The following WRAP53 variants were observed in gnomAD, a reference collection of about 807,000 sequenced individuals.
WRAP53 encodes telomerase Cajal body protein 1.
WRAP53 carries 28 observed loss-of-function variants against 56.6 expected under a neutral mutation model. The observed-to-expected ratio is 0.50, with a 90% CI of 0.37 to 0.68. The LOEUF is 0.68. WRAP53 is among the 30% of genes least tolerant of loss of function. The probability of loss-of-function intolerance (pLI) is 0.00; values close to 1 mark genes in which losing one functional copy is unlikely to be tolerated. For missense variants in WRAP53, 671 were observed against 715.5 expected (o/e 0.94, Z 0.71); for synonymous variants, 283 against 283.4 (o/e 1.00, Z 0.01).
chr17:7,695,306 G>C (rs1216560111), intron 4 of WRAP53, among the ~76,000 whole-genome samples: 3 of 151,970 alleles, frequency 2.0e-5, no homozygotes, highest in Non-Finnish European at 4.4e-5. Flanking sequence ...GGTGTATTTG[G>C]GTATTTCCAT....
rs1198131158 is a variant in WRAP53, at chr17:7,688,530, C to T, written c.-33C>T. On this transcript the variant is annotated 5_prime_UTR_variant, in exon 1 of 11. Transcript: ENST00000396463. The stretch of plus-strand genomic sequence containing the variant: ...GTTCGCCTCTCCTCCCGGGAGTCTT[C>T]TGCCTACTCCCAGAAGAGGAGGGAA... 44 of 1,113,580 alleles carry T rather than the reference C, an allele frequency of 4.0e-5. No homozygotes were observed. The highest frequency in any genetic ancestry group is 5.5e-5 in the Non-Finnish European group (43 of 777,988). The allele number at this position is 1,113,580 out of a possible 1,614,324, so 69.0% of individuals were successfully genotyped here. A position where few individuals can be genotyped will look rare whatever the true frequency, so the allele number is the denominator to read the frequency against.
At chr17:7,699,510 ATATATATATATT>A (rs1317634940) in intron 4 of WRAP53, among the ~76,000 whole-genome samples, 941 of 26,184 alleles carry the variant, frequency 0.036, 100 homozygotes, top group Non-Finnish European at 0.044. Context: ...ATTTATATAT[ATATATATATATT>A]TATATATATA....
intron 4 of WRAP53, among the ~76,000 whole-genome samples, chr17:7,690,366 G>T (rs1024885597): frequency 1.3e-5 from 2 of 152,200 alleles, no homozygotes; most frequent in African/African-American, 4.8e-5. Flanking sequence ...CAACAAACAT[G>T]TAAACCAGCA....
At chr17:7,699,440 T>A (rs1010511828) in intron 4 of WRAP53, among the ~76,000 whole-genome samples, 326 of 72,576 alleles carry the variant, frequency 4.5e-3, no homozygotes, top group Non-Finnish European at 6.7e-3. Flanking sequence ...AAAAAAAAAT[T>A]TATATATATA....
At position 7,703,423 on chromosome 17, in the gene WRAP53, T is replaced by G. The variant is rs1208469062; in HGVS notation, c.1584T>G (p.Pro528=). Residue 528 remains proline, a synonymous_variant, in exon 11 of 11, where the codon CCT becomes CCG. Coordinates refer to ENST00000396463, the MANE Select transcript of WRAP53 (RefSeq NM_001143992.2). ...WCGGAPDSSI[P]DDHQGEKGQG... The stretch of plus-strand genomic sequence containing the variant: ...GGGGGGCGCCAGACTCCAGCATCCC[T>G]GATGATCACCAGGGCGAGAAAGGGC... 1.2e-6 allele frequency: 2 copies of G among 1,611,536 alleles called. No homozygotes were observed. The highest frequency in any genetic ancestry group is 2.7e-5 in the African/African-American group (2 of 74,398).
At chr17:7,692,845 G>A (rs947941962) in intron 4 of WRAP53, among the ~76,000 whole-genome samples, 9 of 141,014 alleles carry the variant, frequency 6.4e-5, no homozygotes, top group Middle Eastern at 4.1e-3. Flanking sequence ...TCTGCCTCCC[G>A]GGATCACGCC....
upstream of WRAP53, chr17:7,688,445 G>T: frequency 1.7e-6 from 1 of 605,250 alleles, no homozygotes; most frequent in Non-Finnish European, 2.9e-6. Context: ...GACAGCAAGA[G>T]GCCCGTAGCG....
chr17:7,692,512 T>A (rs1184073361), intron 4 of WRAP53, among the ~76,000 whole-genome samples: 1 of 149,560 alleles, frequency 6.7e-6, no homozygotes, highest in East Asian at 2.1e-4. Context: ...TCCCAGCTAC[T>A]CTGGAGTCTG....
rs367678596 is a variant in WRAP53, at chr17:7,702,996, C to G, written c.1272C>G (p.Thr424=). The G allele has an allele frequency of 1.2e-6, 2 of 1,613,712 alleles. No individual in the cohort carries two copies. Among genetic ancestry groups the G allele is most frequent in the Admixed American group, 3.3e-5 (2 of 59,998 alleles). Residue 424 remains threonine, a synonymous_variant, in exon 10 of 11, where the codon ACC becomes ACG. Coordinates refer to ENST00000396463, the MANE Select transcript of WRAP53 (RefSeq NM_001143992.2). The surrounding 1 kb of genome is among the most constrained non-coding windows in gnomAD (Gnocchi z 5.0). ...AAATCTCTCCTCTCTCTCGCAGGAC[C>G]GGGCAGTTCCTAGTGAGTGGCAGCA... is the stretch of plus-strand genomic sequence containing the variant. ...NQRIYFDLDP[T]GQFLVSGSTS...
At position 7,696,501 on chromosome 17, in the gene WRAP53, C is replaced by T. The variant is rs554392592; in HGVS notation, c.643-4240C>T. 1.3e-3 allele frequency among the ~76,000 whole-genome samples: 205 copies of T among 151,988 alleles called. 1 individual carries two copies. Among genetic ancestry groups the T allele is most frequent in the African/African-American group, 3.6e-3 (148 of 41,460 alleles). On this transcript the variant is annotated intron_variant, in intron 4 of 10. Transcript: ENST00000396463. ...TTTTAGTAGACACGGGGTTTCACCA[C>T]GTTAGCCAGGATGGTCTCGATCTCC...
intron 10 of WRAP53, 34 bp downstream of exon 10, chr17:7,703,161 G>A: frequency 1.2e-6 from 2 of 1,613,794 alleles, no homozygotes; most frequent in Non-Finnish European, 1.7e-6. Context: ...GTTGGGGCTT[G>A]GGTTGGGGAG....
chr17:7,695,849 T>C (rs57043902), intron 4 of WRAP53, among the ~76,000 whole-genome samples: 4,120 of 152,260 alleles, frequency 0.027, 184 homozygotes, highest in African/African-American at 0.094. Flanking sequence ...TCCCACTGCC[T>C]CTACTTTAAT....
At position 7,688,951 on chromosome 17, in the gene WRAP53, T is replaced by C. The variant is rs2151085072; in HGVS notation, c.303T>C (p.Asn101=). The change falls in exon 2 of 11, where the codon AAT becomes AAC. Residue 101 remains asparagine (N), a synonymous_variant. Transcript: ENST00000396463. ...TCGAGGAGCAAGAACTTTCTGAAAATACAAGCCTTCCTGCAGAAGAAGCAA... is the reference window on the plus strand; with the variant it reads ...TCGAGGAGCAAGAACTTTCTGAAAACACAAGCCTTCCTGCAGAAGAAGCAA... ...PRIEEQELSE[N]TSLPAEEANG... is the part of the protein sequence containing the mutation. 2.5e-6 allele frequency: 4 copies of C among 1,613,948 alleles called. No individual in the cohort carries two copies. The highest frequency in any genetic ancestry group is 1.7e-4 in the Middle Eastern group (1 of 6,060).
intron 1 of WRAP53, 29 bp from the exon 2 acceptor site, chr17:7,688,619 G>A (rs2074053824): frequency 6.8e-6 from 11 of 1,613,490 alleles, no homozygotes; most frequent in Non-Finnish European, 8.5e-6. Flanking sequence ...TCCTGGCTGA[G>A]GCTAATCTCC....
Position 7,702,594 on chromosome 17 carries a change from G to A in WRAP53, c.1164+42G>A, listed in dbSNP as rs1407231516. ...GAGAGCCCAAAGCAGCTGGGCAGCG[G>A]GGCAGGAGCAGGGATGTAGTCTGCA... On this transcript the variant is annotated intron_variant, in intron 8 of 10. Transcript: ENST00000396463. This position sits in a 1 kb window ranked among gnomAD's most constrained non-coding sequence, Gnocchi z 5.0. 6 of 1,598,470 alleles carry A rather than the reference G, an allele frequency of 3.8e-6. No individual in the cohort carries two copies. The highest frequency in any genetic ancestry group is 1.7e-4 in the Middle Eastern group (1 of 5,844).
At chr17:7,697,349 A>G (rs1008908492) in intron 4 of WRAP53, among the ~76,000 whole-genome samples, 2 of 149,702 alleles carry the variant, frequency 1.3e-5, no homozygotes, top group Non-Finnish European at 3.0e-5. Context: ...GAAAAAGAAA[A>G]AAGAGAAGAA....
chr17:7,702,319 C>G lies in WRAP53; in HGVS notation c.956-25C>G. ...AGTGCCAGGAGCCATTGCCCCCTCC[C>G]CCACTTTGTTCCTTCCCTCTCTAGC... On this transcript the variant is annotated intron_variant, in intron 7 of 10. Transcript: ENST00000396463. This position sits in a 1 kb window ranked among gnomAD's most constrained non-coding sequence, Gnocchi z 5.0. 6.2e-7 allele frequency: 1 copy of G among 1,613,834 alleles called. No individual in the cohort carries two copies. The highest frequency in any genetic ancestry group is 2.2e-5 in the East Asian group (1 of 44,864).
chr17:7,702,670 C>T lies in WRAP53; in HGVS notation c.1165-73C>T. The T allele has an allele frequency of 6.3e-7, 1 of 1,597,998 alleles. No individual in the cohort carries two copies. The highest frequency in any genetic ancestry group is 8.5e-7 in the Non-Finnish European group (1 of 1,172,982). ...GAAAAAATCCCAAGCTGAAGGAGTG[C>T]CTGGAGACCCCGAGGGAGGCAGGGA... On this transcript the variant is annotated intron_variant, in intron 8 of 10. Transcript: ENST00000396463. This position sits in a 1 kb window ranked among gnomAD's most constrained non-coding sequence, Gnocchi z 5.0.
chr17:7,696,290 ATTT>A (rs35901058), intron 4 of WRAP53, among the ~76,000 whole-genome samples: 1 of 79,920 alleles, frequency 1.3e-5, no homozygotes, highest in Non-Finnish European at 2.3e-5. Context: ...GGACTCAGAG[ATTT>A]TTTTTTTTTT....
Sources: gnomAD v4.1 joint callset for allele counts (sites outside exome capture counted in the v4.1 genomes callset) on GRCh38, gnomAD v4.1.1 for gene constraint, Gnocchi (gnomAD v3.1) non-coding constraint, MANE v1.5 for transcripts, NCBI Gene and HGNC (gene_info 2026-07-23, HGNC 2026-07-21) for gene names.